Variants in PGGT1B observed in about 807,000 individuals in gnomAD.
The protein encoded by PGGT1B is protein geranylgeranyltransferase type I subunit beta.
Under a neutral mutation model 46.1 loss-of-function variants are expected in PGGT1B, and 30 were observed. That is an observed-to-expected ratio of 0.65 (90% CI 0.49 to 0.88). PGGT1B has a LOEUF of 0.88. Among genes scored for constraint, PGGT1B ranks in the 40% least tolerant of loss-of-function variants. PGGT1B has a pLI of 0.00. For missense variants in PGGT1B, 376 were observed against 455.9 expected (o/e 0.82, Z 1.60); for synonymous variants, 170 against 160.0 (o/e 1.06, Z -0.47).
At chr5:115,243,867 C>T (rs973610749) in intron 2 of PGGT1B, among the ~76,000 whole-genome samples, 4 of 152,048 alleles carry the variant, frequency 2.6e-5, no homozygotes, top group African/African-American at 9.7e-5. Flanking sequence ...CATATATGGG[C>T]CCCATATCTC....
chr5:115,240,412 G>A (rs1453931655), intron 3 of PGGT1B, among the ~76,000 whole-genome samples: 3 of 152,058 alleles, frequency 2.0e-5, no homozygotes, highest in Non-Finnish European at 4.4e-5. Flanking sequence ...CTAGTGGCAC[G>A]ATATTCTGTT....
chr5:115,214,696 C>T (rs1265454487), intron 8 of PGGT1B, among the ~76,000 whole-genome samples: 6 of 152,104 alleles, frequency 3.9e-5, no homozygotes, highest in East Asian at 1.9e-4. Context: ...CTGAACTCTC[C>T]GGAAAAAGCC....
rs564224971 is a variant in PGGT1B at position 115,208,306 on chromosome 5, G to A, written c.*4096C>T. 128 of 151,270 alleles carry A rather than the reference G, an allele frequency of 8.5e-4. 1 individual carries two copies. The highest frequency in any genetic ancestry group is 2.8e-3 in the African/African-American group (114 of 41,190). The allele number at this position is 151,270 out of a possible 1,614,324, so 9.4% of individuals were successfully genotyped here. A position where few individuals can be genotyped will look rare whatever the true frequency, so the allele number is the denominator to read the frequency against. On this transcript the variant is annotated 3_prime_UTR_variant, in exon 9 of 9. Coordinates refer to ENST00000419445, the MANE Select transcript of PGGT1B (RefSeq NM_005023.4). ...GTTCAAGATTCTTTTCCTAGTCTCT[G>A]CAATTGTTTAAGCAAGAATGGGATT...
chr5:115,250,557 G>C (rs1748047408), intron 2 of PGGT1B, among the ~76,000 whole-genome samples: 1 of 152,188 alleles, frequency 6.6e-6, no homozygotes, highest in Non-Finnish European at 1.5e-5. Context: ...TTTCAAACCA[G>C]TGAAGTCCAT....
At chr5:115,239,356 C>G (rs1460194222) in intron 3 of PGGT1B, among the ~76,000 whole-genome samples, 2 of 152,146 alleles carry the variant, frequency 1.3e-5, no homozygotes, top group East Asian at 3.9e-4. Flanking sequence ...ATATGCAGTT[C>G]TTTATATGGT....
At chr5:115,223,007 T>C (rs1756634050) in intron 6 of PGGT1B, among the ~76,000 whole-genome samples, 1 of 151,732 alleles carries the variant, frequency 6.6e-6, no homozygotes, top group Non-Finnish European at 1.5e-5. Flanking sequence ...TTAGGAGAAA[T>C]ACCTAATGTA....
At chr5:115,255,166 C>A (rs1225230089) in intron 1 of PGGT1B, among the ~76,000 whole-genome samples, 2 of 152,154 alleles carry the variant, frequency 1.3e-5, no homozygotes, top group African/African-American at 4.8e-5. Flanking sequence ...TGGTCTTTGC[C>A]ATGATTTGGA....
rs1357979596 is a variant in PGGT1B, at chr5:115,205,169, C to A, written c.*7233G>T. 1.3e-5 allele frequency: 2 copies of A among 152,110 alleles called. No homozygotes were observed. Among genetic ancestry groups the A allele is most frequent in the Non-Finnish European group, 2.9e-5 (2 of 67,992 alleles). The allele number at this position is 152,110 out of a possible 1,614,324, so 9.4% of individuals were successfully genotyped here. Reference sequence around the variant, plus strand: ...AAATGAGAGGGAAATTGGCTTTGAGCCTAAATTCATAATCTTTTACTTTTT... The same window carrying A: ...AAATGAGAGGGAAATTGGCTTTGAGACTAAATTCATAATCTTTTACTTTTT... On this transcript the variant is annotated 3_prime_UTR_variant, in exon 9 of 9. Coordinates refer to ENST00000419445, the MANE Select transcript of PGGT1B (RefSeq NM_005023.4).
At chr5:115,232,930 C>T (rs1310768818) in intron 5 of PGGT1B, among the ~76,000 whole-genome samples, 1 of 151,836 alleles carries the variant, frequency 6.6e-6, no homozygotes, top group Admixed American at 6.6e-5. Context: ...AATTTAGATA[C>T]CTGAGAAACA....
chr5:115,259,123 C>A (rs1346305776), intron 1 of PGGT1B, among the ~76,000 whole-genome samples: 2 of 152,120 alleles, frequency 1.3e-5, no homozygotes, highest in East Asian at 3.9e-4. Flanking sequence ...TTAACAAGAT[C>A]CCCAAGTGAT....
At chr5:115,254,523 G>A (rs1197674388) in intron 1 of PGGT1B, among the ~76,000 whole-genome samples, 2 of 151,694 alleles carry the variant, frequency 1.3e-5, no homozygotes, top group South Asian at 2.1e-4. Flanking sequence ...TCTGATTTTG[G>A]AGTCTCTCAG....
intron 1 of PGGT1B, among the ~76,000 whole-genome samples, chr5:115,254,141 A>G (rs1389200677): frequency 2.0e-5 from 3 of 152,068 alleles, no homozygotes; most frequent in Admixed American, 1.3e-4. Flanking sequence ...ATTCTAAGAA[A>G]TAGTTAAGCC....
Position 115,253,086 on chromosome 5 carries a change from T to C in PGGT1B, c.259+51A>G, listed in dbSNP as rs545470920. On this transcript the variant is annotated intron_variant, in intron 2 of 8. Transcript: ENST00000419445. Reference sequence around the variant, plus strand: ...AGATTTTCTAGTCCAACACATGTTATGTCAGGTACAACCAGTCACACTAAA... The same window carrying C: ...AGATTTTCTAGTCCAACACATGTTACGTCAGGTACAACCAGTCACACTAAA... 457 of 1,527,706 alleles carry C rather than the reference T, an allele frequency of 3.0e-4. 7 individuals are homozygous for C. The South Asian group carries it at 3.9e-3, about 13-fold the overall frequency. The allele number at this position is 1,527,706 out of a possible 1,614,324, so 94.6% of individuals were successfully genotyped here. A position where few individuals can be genotyped will look rare whatever the true frequency, so the allele number is the denominator to read the frequency against.
chr5:115,254,615 TA>T (rs1748238272), intron 1 of PGGT1B, among the ~76,000 whole-genome samples: 1 of 150,924 alleles, frequency 6.6e-6, no homozygotes, highest in African/African-American at 2.4e-5. Flanking sequence ...TTTTTTTTTT[TA>T]AGGGCAAATT....
chr5:115,211,834 T>C lies in PGGT1B; in HGVS notation c.*568A>G, dbSNP rs1022494254. On this transcript the variant is annotated 3_prime_UTR_variant, in exon 9 of 9. Coordinates refer to ENST00000419445, the MANE Select transcript of PGGT1B (RefSeq NM_005023.4). ...CCTATTTATTCTTACTATGAAGTTA[T>C]TAACTTCATTTATATAGGCCACACA... The C allele has an allele frequency of 1.3e-5, 2 of 152,704 alleles. No homozygotes were observed. Among genetic ancestry groups the C allele is most frequent in the Non-Finnish European group, 2.9e-5 (2 of 68,170 alleles). 9.5% of individuals were successfully genotyped at this position (152,704 alleles called of 1,614,324 possible). A position where few individuals can be genotyped will look rare whatever the true frequency, so the allele number is the denominator to read the frequency against.
chr5:115,227,609 C>A (rs1464016900), intron 6 of PGGT1B, among the ~76,000 whole-genome samples: 2 of 152,274 alleles, frequency 1.3e-5, no homozygotes, highest in East Asian at 3.9e-4. Flanking sequence ...CCCTGTATGG[C>A]CTGACTTGTC....
intron 2 of PGGT1B, among the ~76,000 whole-genome samples, chr5:115,244,583 A>G (rs1352327751): frequency 6.7e-6 from 1 of 149,362 alleles, no homozygotes; most frequent in African/African-American, 2.5e-5. Flanking sequence ...TTACCAAGTT[A>G]TGAATTCATT....
intron 4 of PGGT1B, 85 bp downstream of exon 4, chr5:115,237,773 A>C: frequency 9.0e-7 from 1 of 1,111,734 alleles, no homozygotes; most frequent in African/African-American, 1.6e-5. Flanking sequence ...TGATCCTCTA[A>C]AGATCTAGTA....
intron 6 of PGGT1B, among the ~76,000 whole-genome samples, chr5:115,226,964 G>C (rs900602688): frequency 2.0e-5 from 3 of 152,008 alleles, no homozygotes; most frequent in Admixed American, 6.6e-5. Context: ...TGGAAAGGAA[G>C]CATTTCAAGC....
Sources: gnomAD v4.1 joint callset for allele counts (sites outside exome capture counted in the v4.1 genomes callset) on GRCh38, gnomAD v4.1.1 for gene constraint, MANE v1.5 for transcripts, NCBI Gene and HGNC (gene_info 2026-07-23, HGNC 2026-07-21) for gene names.